The following CPNE4 variants were observed in gnomAD, a reference collection of about 807,000 sequenced individuals.
The protein encoded by CPNE4 is copine 4.
Under a neutral mutation model 67.9 loss-of-function variants are expected in CPNE4, and 25 were observed. The observed-to-expected ratio is 0.37, with a 90% CI of 0.27 to 0.51. CPNE4 has a LOEUF of 0.51. Among genes scored for constraint, CPNE4 ranks in the 20% least tolerant of loss-of-function variants. The pLI, the probability that CPNE4 is intolerant of heterozygous loss-of-function variation, is 0.93. For missense variants in CPNE4, 464 were observed against 690.8 expected, an observed-to-expected ratio of 0.67 and a Z score of 3.68; for synonymous variants, 242 against 244.9, an observed-to-expected ratio of 0.99 and a Z score of 0.11.
intron 2 of CPNE4, among the ~76,000 whole-genome samples, chr3:131,759,851 C>A (rs982650743): frequency 6.6e-6 from 1 of 152,140 alleles, no homozygotes. Flanking sequence ...GTGAATAAAT[C>A]TATTAGGCAC....
intron 2 of CPNE4, among the ~76,000 whole-genome samples, chr3:131,727,109 TCAAGGTTAAATATCAGCA>T (rs1203435827): frequency 6.6e-6 from 1 of 152,162 alleles, no homozygotes; most frequent in East Asian, 1.9e-4. Context: ...ATGAGAAAAC[TCAAGGTTAAATATCAGCA>T]CAAGGTATTG....
chr3:131,812,876 G>C (rs1374755438), intron 2 of CPNE4, among the ~76,000 whole-genome samples: 1 of 152,134 alleles, frequency 6.6e-6, no homozygotes, highest in African/African-American at 2.4e-5. Context: ...AAGGATACAT[G>C]GAAGTTCACC....
intron 11 of CPNE4, among the ~76,000 whole-genome samples, chr3:131,560,928 T>C (rs1053022450): frequency 2.6e-5 from 4 of 152,076 alleles, no homozygotes; most frequent in African/African-American, 7.2e-5. Flanking sequence ...GACCACTGAC[T>C]GGTGTAGAGT....
intron 1 of CPNE4, among the ~76,000 whole-genome samples, chr3:131,942,284 T>C (rs1003993511): frequency 6.6e-6 from 1 of 152,042 alleles, no homozygotes; most frequent in African/African-American, 2.4e-5. Context: ...AAAAGCATAC[T>C]ACCTAACTAT....
chr3:131,621,124 G>A (rs1043792479), intron 7 of CPNE4, among the ~76,000 whole-genome samples: 7 of 152,168 alleles, frequency 4.6e-5, no homozygotes, highest in East Asian at 3.9e-4. Context: ...GACTTAGCAC[G>A]CATTTCTGGG....
intron 6 of CPNE4, among the ~76,000 whole-genome samples, chr3:131,677,065 T>C (rs1048919503): frequency 1.6e-4 from 24 of 151,934 alleles, no homozygotes; most frequent in Non-Finnish European, 3.1e-4. Context: ...CTTTTTATAG[T>C]AGCCATTCTG....
chr3:131,754,038 T>A (rs1215383993), intron 2 of CPNE4, among the ~76,000 whole-genome samples: 1 of 152,078 alleles, frequency 6.6e-6, no homozygotes, highest in Non-Finnish European at 1.5e-5. Context: ...TGAATGCCCA[T>A]CAACAAGAGC....
intron 2 of CPNE4, among the ~76,000 whole-genome samples, chr3:131,819,698 A>G (rs1430646053): frequency 6.6e-5 from 10 of 152,238 alleles, no homozygotes; most frequent in Non-Finnish European, 1.2e-4. Context: ...CTATTTTTAA[A>G]TAATTACATT....
chr3:131,958,150 A>G (rs754786928), intron 1 of CPNE4, among the ~76,000 whole-genome samples: 7 of 152,256 alleles, frequency 4.6e-5, no homozygotes, highest in Non-Finnish European at 7.3e-5. Flanking sequence ...AGTTACTTCT[A>G]CATTCCAGAC....
chr3:131,712,518 G>A (rs900272062), intron 3 of CPNE4, among the ~76,000 whole-genome samples: 17 of 152,172 alleles, frequency 1.1e-4, no homozygotes, highest in Non-Finnish European at 2.2e-4. Context: ...AAATATTCCC[G>A]AAATCTTCAC....
chr3:131,588,732 A>C (rs1938346000), intron 7 of CPNE4, among the ~76,000 whole-genome samples: 1 of 152,140 alleles, frequency 6.6e-6, no homozygotes, highest in African/African-American at 2.4e-5. Context: ...CAGTTACTAC[A>C]AACAGAAAAC....
chr3:131,771,188 T>C (rs1307198681), intron 2 of CPNE4, among the ~76,000 whole-genome samples: 2 of 152,164 alleles, frequency 1.3e-5, no homozygotes, highest in African/African-American at 4.8e-5. Flanking sequence ...GCTCGATCAA[T>C]AGATGTTGAA....
chr3:131,861,355 T>C (rs918901911), intron 2 of CPNE4, among the ~76,000 whole-genome samples: 20 of 152,034 alleles, frequency 1.3e-4, no homozygotes, highest in African/African-American at 4.8e-4. Flanking sequence ...CTCTTGCTTT[T>C]TGTACAAGTA....
At chr3:131,818,217 G>T (rs556181105) in intron 2 of CPNE4, among the ~76,000 whole-genome samples, 1 of 152,152 alleles carries the variant, frequency 6.6e-6, no homozygotes, top group African/African-American at 2.4e-5. Flanking sequence ...CAGGATTTAT[G>T]TTCTTCCCTC....
chr3:131,885,335 C>CTT (rs3041549), intron 2 of CPNE4, among the ~76,000 whole-genome samples: 3 of 140,830 alleles, frequency 2.1e-5, no homozygotes. Context: ...GGAGAAATTT[C>CTT]TTTTTTTTTT....
chr3:132,034,659 A>G lies in CPNE4; in HGVS notation c.-94T>C. The G allele has an allele frequency of 1.0e-6, 1 of 985,236 alleles. No homozygotes were observed. The highest frequency in any genetic ancestry group is 1.2e-6 in the Non-Finnish European group (1 of 829,962). The allele number at this position is 985,236 out of a possible 1,614,324, so 61.0% of individuals were successfully genotyped here. Reference sequence around the variant, plus strand: ...GATGCAAAATCCGGCTTTGAAGTGGAGGTGGTTGGTGTGGTAGTTTTGTAC... The same window carrying G: ...GATGCAAAATCCGGCTTTGAAGTGGGGGTGGTTGGTGTGGTAGTTTTGTAC... On this transcript the variant is annotated 5_prime_UTR_variant, in exon 1 of 16. Transcript: ENST00000429747.
At chr3:131,706,174 T>C (rs1368023960) in intron 3 of CPNE4, among the ~76,000 whole-genome samples, 1 of 152,204 alleles carries the variant, frequency 6.6e-6, no homozygotes, top group Admixed American at 6.5e-5. Context: ...GGTCAGAAGA[T>C]GCTTGAAGGA....
chr3:131,797,714 G>A (rs373795393), intron 2 of CPNE4, among the ~76,000 whole-genome samples: 5 of 152,260 alleles, frequency 3.3e-5, no homozygotes, highest in Admixed American at 2.0e-4. Flanking sequence ...CTAACACTAA[G>A]GTAGATGTTC....
At chr3:131,811,710 C>T (rs951093971) in intron 2 of CPNE4, among the ~76,000 whole-genome samples, 5 of 152,162 alleles carry the variant, frequency 3.3e-5, no homozygotes, top group African/African-American at 9.6e-5. Context: ...CTCAAGTTAA[C>T]AAATAGTATA....
Sources: gnomAD v4.1 joint callset for allele counts (sites outside exome capture counted in the v4.1 genomes callset) on GRCh38, gnomAD v4.1.1 for gene constraint, MANE v1.5 for transcripts, NCBI Gene and HGNC (gene_info 2026-07-23, HGNC 2026-07-21) for gene names.